The following RBFOX1 variants were observed in gnomAD, a reference collection of about 807,000 sequenced individuals.
RBFOX1 encodes RNA binding protein fox-1 homolog 1.
Under a neutral mutation model 57.7 loss-of-function variants are expected in RBFOX1, and 8 were observed. The observed-to-expected ratio is 0.14, with a 90% CI of 0.08 to 0.25. The LOEUF (loss-of-function observed/expected upper bound fraction) is 0.25. RBFOX1 is among the 10% of genes least tolerant of loss of function. The pLI, the probability that RBFOX1 is intolerant of heterozygous loss-of-function variation, is 1.00. For missense variants in RBFOX1, 611 were observed against 548.5 expected (o/e 1.11, Z -1.14); for synonymous variants, 326 against 222.4 (o/e 1.47, Z -4.15).
chr16:7,661,139 C>T (rs926981058), intron 12 of RBFOX1, among the ~76,000 whole-genome samples: 6 of 152,104 alleles, frequency 3.9e-5, no homozygotes. Context: ...AATTGGCTTC[C>T]CATTACATGG....
chr16:6,485,588 G>C (rs928869985), intron 2 of RBFOX1, among the ~76,000 whole-genome samples: 3 of 152,052 alleles, frequency 2.0e-5, no homozygotes, highest in Non-Finnish European at 4.4e-5. Flanking sequence ...GAATTATTTA[G>C]TATCAGGCAA....
At chr16:7,568,844 G>A (rs188028197) in intron 5 of RBFOX1, among the ~76,000 whole-genome samples, 276 of 121,254 alleles carry the variant, frequency 2.3e-3, no homozygotes, top group Non-Finnish European at 3.7e-3. Flanking sequence ...CTGAGATCAC[G>A]CCACTGCACT....
chr16:7,075,816 G>A (rs746474728), intron 4 of RBFOX1, among the ~76,000 whole-genome samples: 6 of 151,704 alleles, frequency 4.0e-5, no homozygotes, highest in East Asian at 2.0e-4. Context: ...TCCTGACCTC[G>A]TGATCTGCCT....
intron 3 of RBFOX1, among the ~76,000 whole-genome samples, chr16:5,732,320 C>A (rs2052405542): frequency 6.6e-6 from 1 of 152,202 alleles, no homozygotes; most frequent in East Asian, 1.9e-4. Context: ...AGGGAACGTA[C>A]CTTCTTCATT....
intron 2 of RBFOX1, among the ~76,000 whole-genome samples, chr16:6,597,747 G>C (rs2097791602): frequency 6.6e-6 from 1 of 152,240 alleles, no homozygotes; most frequent in South Asian, 2.1e-4. Context: ...CCACAGGAAA[G>C]GTAGCCAGGA....
intron 2 of RBFOX1, among the ~76,000 whole-genome samples, chr16:6,550,816 G>T (rs1051088343): frequency 6.6e-6 from 1 of 152,138 alleles, no homozygotes; most frequent in South Asian, 2.1e-4. Context: ...TTCTTGCTTC[G>T]GCACTTCACA....
intron 2 of RBFOX1, among the ~76,000 whole-genome samples, chr16:5,492,149 C>G (rs1249735693): frequency 1.3e-5 from 2 of 152,170 alleles, no homozygotes; most frequent in Non-Finnish European, 2.9e-5. Flanking sequence ...GCAAGCCCTC[C>G]AGGACATGCT....
chr16:5,738,281 A>T, intron 3 of RBFOX1, among the ~76,000 whole-genome samples: 1 of 138,310 alleles, frequency 7.2e-6, no homozygotes, highest in East Asian at 2.9e-4. Context: ...CCAAGTATTT[A>T]ACGTCTCTAT....
intron 2 of RBFOX1, among the ~76,000 whole-genome samples, chr16:6,574,072 A>T (rs1809096904): frequency 6.6e-6 from 1 of 152,138 alleles, no homozygotes; most frequent in Non-Finnish European, 1.5e-5. Context: ...CCTTTCAAGA[A>T]TGTTTAAACT....
Position 6,930,304 on chromosome 16 carries a change from G to T in RBFOX1, c.-15-121753G>T, listed in dbSNP as rs183491571. On this transcript the variant is annotated intron_variant, in intron 3 of 15. Coordinates refer to ENST00000550418, the MANE Select transcript of RBFOX1 (RefSeq NM_018723.4). ...GTGTCTCCAAAAGATATATACAAAT[G>T]GCCAATATGCACATAAGAAGATACC... Among the ~76,000 whole-genome samples, 940 of 152,196 alleles carry T rather than the reference G, an allele frequency of 6.2e-3. 4 individuals carry two copies. Among genetic ancestry groups the T allele is most frequent in the Non-Finnish European group, 9.6e-3 (653 of 67,998 alleles).
At chr16:6,155,973 C>T (rs2096835656) in intron 1 of RBFOX1, among the ~76,000 whole-genome samples, 1 of 152,074 alleles carries the variant, frequency 6.6e-6, no homozygotes, top group African/African-American at 2.4e-5. Context: ...TCATTTAATC[C>T]TCCCCACTCT....
At chr16:5,585,818 A>T (rs984184840) in intron 2 of RBFOX1, among the ~76,000 whole-genome samples, 6 of 152,228 alleles carry the variant, frequency 3.9e-5, no homozygotes, top group African/African-American at 1.4e-4. Context: ...GGAGATTCCA[A>T]CCTGATTCGT....
intron 4 of RBFOX1, among the ~76,000 whole-genome samples, chr16:7,278,137 T>G (rs1207454406): frequency 6.6e-6 from 1 of 152,152 alleles, no homozygotes; most frequent in African/African-American, 2.4e-5. Context: ...TTTCCAAAAT[T>G]GTAAGGTAAA....
At chr16:6,065,305 G>A (rs2095746911) in intron 1 of RBFOX1, among the ~76,000 whole-genome samples, 1 of 151,872 alleles carries the variant, frequency 6.6e-6, no homozygotes, top group Admixed American at 6.6e-5. Context: ...AAAGTGCTGG[G>A]ATTACAGGTG....
At chr16:6,695,537 A>C (rs1004994016) in intron 3 of RBFOX1, among the ~76,000 whole-genome samples, 4 of 152,056 alleles carry the variant, frequency 2.6e-5, no homozygotes, top group African/African-American at 9.7e-5. Flanking sequence ...TGGAGCCCTT[A>C]AGTGGCCGAC....
At chr16:5,717,714 T>G (rs375049144) in intron 3 of RBFOX1, among the ~76,000 whole-genome samples, 7 of 152,348 alleles carry the variant, frequency 4.6e-5, no homozygotes, top group Non-Finnish European at 1.0e-4. Flanking sequence ...GCACTCTCTC[T>G]AATAATTGGG....
intron 4 of RBFOX1, among the ~76,000 whole-genome samples, chr16:5,923,137 A>G (rs1479891914): frequency 6.6e-6 from 1 of 152,268 alleles, no homozygotes; most frequent in African/African-American, 2.4e-5. Flanking sequence ...ATGAGAGATC[A>G]GAAAAATCTG....
At chr16:5,535,102 A>G (rs145114653) in intron 2 of RBFOX1, among the ~76,000 whole-genome samples, 1,644 of 152,352 alleles carry the variant, frequency 0.011, 13 homozygotes, top group Non-Finnish European at 0.018. Context: ...ATTGACCAAT[A>G]CAGTAGCTGA....
chr16:6,541,132 G>C (rs1049480461), intron 2 of RBFOX1, among the ~76,000 whole-genome samples: 4 of 152,190 alleles, frequency 2.6e-5, no homozygotes, highest in African/African-American at 9.6e-5. Flanking sequence ...AATAACCTGA[G>C]TGTTCACAGT....
Sources: allele counts gnomAD v4.1 joint callset (sites outside exome capture counted in the v4.1 genomes callset), GRCh38; gene constraint gnomAD v4.1.1; transcripts MANE v1.5; gene names NCBI Gene and HGNC (gene_info 2026-07-23, HGNC 2026-07-21).